The following RP1 variants were observed in gnomAD, a reference collection of about 807,000 sequenced individuals.
The protein encoded by RP1 is oxygen-regulated protein 1.
Under a neutral mutation model 14.8 loss-of-function variants are expected in RP1, and 16 were observed. That is an observed-to-expected ratio of 1.08 (90% CI 0.73 to 1.65). The LOEUF (loss-of-function observed/expected upper bound fraction) is 1.65. RP1 is among the 40% of genes most tolerant of loss of function. The probability of loss-of-function intolerance (pLI) is 0.00; values close to 1 mark genes in which losing one functional copy is unlikely to be tolerated. For synonymous variants in RP1, 876 were observed against 883.6 expected (o/e 0.99, Z 0.15); for missense variants, 2,631 against 2,535.0 (o/e 1.04, Z -0.81).
Position 54,798,973 on chromosome 8 carries a change from A to G in RP1, c.3615+15263A>G, listed in dbSNP as rs1307059573. On this transcript the variant is annotated intron_variant, in intron 24 of 28. Transcript: ENST00000637698. The stretch of plus-strand genomic sequence containing the variant: ...TGATAGCAAAAAATGTTAATATTTT[A>G]TATACAATTATTATATTCAGCTTTT... Among the ~76,000 whole-genome samples, 36 of 152,092 alleles carry G rather than the reference A, an allele frequency of 2.4e-4. 1 individual carries two copies. Among genetic ancestry groups the G allele is most frequent in the Admixed American group, 2.0e-3 (31 of 15,274 alleles).
chr8:54,602,947 A>G (rs538564436), intron 1 of RP1, among the ~76,000 whole-genome samples: 2 of 152,316 alleles, frequency 1.3e-5, no homozygotes, highest in South Asian at 4.1e-4. Flanking sequence ...GCCCTTTGTT[A>G]GATGAGTAGA....
In RP1 at chr8:54,622,396, C is replaced by G. The variant is rs112524889; in HGVS notation, c.787+108C>G. 65 of 897,788 alleles carry G rather than the reference C, an allele frequency of 7.2e-5. 1 individual carries two copies. In the African/African-American group the frequency reaches 8.7e-4, roughly 12 times the overall value. 55.6% of individuals were successfully genotyped at this position (897,788 alleles called of 1,614,324 possible). A position where few individuals can be genotyped will look rare whatever the true frequency, so the allele number is the denominator to read the frequency against. ...TGACCAGTTTCTTCCACCACAGAAA[C>G]GAAAAGGAGAGGATTTAAAAACATT... On this transcript the variant is annotated intron_variant, in intron 3 of 3. Coordinates refer to ENST00000220676, the MANE Select transcript of RP1 (RefSeq NM_006269.2).
chr8:54,675,210 A>T (rs1807267051), intron 8 of RP1, among the ~76,000 whole-genome samples: 1 of 152,166 alleles, frequency 6.6e-6, no homozygotes. Flanking sequence ...AAAAGAAATA[A>T]TCTTAGTTTT....
intron 12 of RP1, chr8:54,696,334 A>T: frequency 2.0e-6 from 1 of 498,226 alleles, no homozygotes; most frequent in Non-Finnish European, 3.5e-6. Context: ...GGCTGTGCTG[A>T]CAATAGTAAG....
intron 25 of RP1, among the ~76,000 whole-genome samples, chr8:54,841,260 C>G (rs1478374735): frequency 2.0e-5 from 3 of 152,174 alleles, no homozygotes; most frequent in Non-Finnish European, 1.5e-5. Context: ...TTGTCTGTCC[C>G]TCTGTCAGAG....
Position 54,627,403 on chromosome 8 carries a change from A to G in RP1, c.3521A>G (p.Glu1174Gly). The G allele has an allele frequency of 6.2e-7, 1 of 1,614,200 alleles. No homozygotes were observed. Among genetic ancestry groups the G allele is most frequent in the Non-Finnish European group, 8.5e-7 (1 of 1,179,994 alleles). Residue 1174 changes from glutamate to glycine, a missense_variant, in exon 4 of 4, where the codon GAG becomes GGG. Coordinates refer to ENST00000220676, the MANE Select transcript of RP1 (RefSeq NM_006269.2). Reference sequence around the variant, plus strand: ...ATTCTAAAGCACATAGCTATCACAGAGGAAGCTGATGACTTGAAAGCTGCT... The same window carrying G: ...ATTCTAAAGCACATAGCTATCACAGGGGAAGCTGATGACTTGAAAGCTGCT... ...LEILKHIAITEEADDLKAAVA... is the reference protein window; with the variant it reads ...LEILKHIAITGEADDLKAAVA...
intron 17 of RP1, chr8:54,734,471 G>A: frequency 7.3e-7 from 1 of 1,376,034 alleles, no homozygotes; most frequent in Non-Finnish European, 9.7e-7. Flanking sequence ...ATGTCCTTTG[G>A]CTCCAGTGTG....
At chr8:54,814,016 A>C (rs935496130) in intron 24 of RP1, among the ~76,000 whole-genome samples, 2 of 152,166 alleles carry the variant, frequency 1.3e-5, no homozygotes, top group Admixed American at 1.3e-4. Context: ...AGGGAGAATT[A>C]TGTGTATCTC....
chr8:54,582,497 G>A, intron 1 of RP1, among the ~76,000 whole-genome samples: 1 of 150,618 alleles, frequency 6.6e-6, no homozygotes, highest in South Asian at 2.1e-4. Flanking sequence ...CTCTTTTTTG[G>A]TTCCATATGA....
At chr8:54,661,377 C>T (rs1313437746) in intron 6 of RP1, among the ~76,000 whole-genome samples, 1 of 149,196 alleles carries the variant, frequency 6.7e-6, no homozygotes, top group African/African-American at 2.5e-5. Flanking sequence ...TAGTCAGGAG[C>T]CTGAGGAGGG....
chr8:54,596,574 C>T (rs574975731), intron 1 of RP1, among the ~76,000 whole-genome samples: 3 of 152,244 alleles, frequency 2.0e-5, no homozygotes, highest in East Asian at 1.9e-4. Flanking sequence ...ATTTACCCAA[C>T]TCTTGATTTA....
intron 24 of RP1, among the ~76,000 whole-genome samples, chr8:54,809,276 C>A (rs1000330775): frequency 2.0e-5 from 3 of 152,168 alleles, no homozygotes; most frequent in Non-Finnish European, 4.4e-5. Context: ...ATAAACAACT[C>A]ATATTCTTAC....
At chr8:54,701,731 A>C (rs546926877) in intron 14 of RP1, 105 of 1,398,600 alleles carry the variant, frequency 7.5e-5, no homozygotes, top group Middle Eastern at 2.1e-4. Context: ...ATTGAGCAAA[A>C]GTCTTAAATT....
chr8:54,688,188 G>A (rs2129338321), intron 12 of RP1, among the ~76,000 whole-genome samples: 1 of 152,132 alleles, frequency 6.6e-6, no homozygotes, highest in South Asian at 2.1e-4. Context: ...ATTTGTTTAA[G>A]TTCTTTGTAG....
chr8:54,829,358 T>C (rs989922373), intron 24 of RP1, among the ~76,000 whole-genome samples: 10 of 152,136 alleles, frequency 6.6e-5, no homozygotes, highest in Admixed American at 4.6e-4. Context: ...CTTTGGGAAA[T>C]AGAGCATATA....
At chr8:54,836,013 T>G (rs1210447835) in intron 24 of RP1, among the ~76,000 whole-genome samples, 1 of 152,218 alleles carries the variant, frequency 6.6e-6, no homozygotes, top group Non-Finnish European at 1.5e-5. Flanking sequence ...AGCTTGACTG[T>G]GATGAACTGT....
intron 24 of RP1, among the ~76,000 whole-genome samples, chr8:54,813,561 A>G (rs561468201): frequency 6.6e-6 from 1 of 152,334 alleles, no homozygotes; most frequent in African/African-American, 2.4e-5. Flanking sequence ...ATTTAAAATT[A>G]ATTAGTTTTA....
chr8:54,853,923 AGGG>A (rs947331129), intron 26 of RP1, among the ~76,000 whole-genome samples: 13 of 151,002 alleles, frequency 8.6e-5, no homozygotes, highest in African/African-American at 3.2e-4. Flanking sequence ...AAAAGAAAAA[AGGG>A]AGAGAGAGAG....
intron 1 of RP1, among the ~76,000 whole-genome samples, chr8:54,573,840 A>G (rs548890494): frequency 2.0e-5 from 3 of 152,352 alleles, no homozygotes; most frequent in East Asian, 3.9e-4. Flanking sequence ...TGAAGAAAAC[A>G]TAACATAAAG....
Sources: allele counts gnomAD v4.1 joint callset (sites outside exome capture counted in the v4.1 genomes callset), GRCh38; gene constraint gnomAD v4.1.1; transcripts MANE v1.5; gene names NCBI Gene and HGNC (gene_info 2026-07-23, HGNC 2026-07-21).